CSMD2: variants seen among roughly 807,000 people sequenced by gnomAD.
CSMD2 encodes CUB and Sushi multiple domains 2.
In CSMD2, 130 loss-of-function variants were observed where a neutral mutation model predicts 398.5. The observed-to-expected ratio is 0.33, with a 90% confidence interval of 0.28 to 0.38. The LOEUF is 0.38. CSMD2 is among the 10% of genes least tolerant of loss of function. CSMD2 has a pLI of 1.00. For missense variants in CSMD2, 3,829 were observed against 4,764.9 expected (o/e 0.80, Z 5.78); for synonymous variants, 1,828 against 1,908.5 (o/e 0.96, Z 1.10).
chr1:34,143,881 T>G (rs1272720800), intron 1 of CSMD2, among the ~76,000 whole-genome samples: 1 of 152,058 alleles, frequency 6.6e-6, no homozygotes, highest in African/African-American at 2.4e-5. Context: ...TATCAAGGAG[T>G]TAACCAAGGA....
chr1:33,777,992 C>T (rs1652222803), intron 12 of CSMD2, among the ~76,000 whole-genome samples: 1 of 152,222 alleles, frequency 6.6e-6, no homozygotes, highest in African/African-American at 2.4e-5. Context: ...CTGCCTTTCA[C>T]ATGAGGCTGG....
At chr1:33,693,992 G>A (rs1311895674) in intron 24 of CSMD2, among the ~76,000 whole-genome samples, 1 of 152,142 alleles carries the variant, frequency 6.6e-6, no homozygotes, top group Non-Finnish European at 1.5e-5. Flanking sequence ...CCAGGAGGTG[G>A]AGGTTGTGGT....
chr1:33,904,275 C>T (rs1276173853), intron 5 of CSMD2, among the ~76,000 whole-genome samples: 1 of 152,142 alleles, frequency 6.6e-6, no homozygotes, highest in African/African-American at 2.4e-5. Flanking sequence ...GCAGCTTCCT[C>T]TTAGGAAAAC....
rs1236833448 is a variant in CSMD2 at position 33,742,581 on chromosome 1, C to CT, written c.2173+698_2173+699insA. 4.7e-4 allele frequency among the ~76,000 whole-genome samples: 52 copies of CT among 109,492 alleles called. 3 individuals are homozygous for CT. The highest frequency in any genetic ancestry group is 2.3e-3 in the African/African-American group (50 of 21,364). The allele number at this position is 109,492 out of a possible 152,430, so 71.8% of individuals were successfully genotyped here. The stretch of plus-strand genomic sequence containing the variant: ...ATTTCTAGTCACCAAGCTTCTGCCC[C>CT]CCCCCCCCCAACCCCCTCTGTAACC... On this transcript the variant is annotated intron_variant, in intron 14 of 70. Coordinates refer to ENST00000373381, the MANE Select transcript of CSMD2 (RefSeq NM_001281956.2).
At position 33,889,915 on chromosome 1, in the gene CSMD2, G is replaced by GTA. The variant is rs961866091; in HGVS notation, c.920+28177_920+28178dup. Among the ~76,000 whole-genome samples the GTA allele has an allele frequency of 2.8e-4, 42 of 151,844 alleles. No homozygotes were observed. The Middle Eastern group carries it at 0.01, about 37-fold the overall frequency. ...TTAACGTTTTATTCTGTACTCTCAG[G>GTA]TATGCTTTGAATTTTTCACAAAGAG... is the stretch of plus-strand genomic sequence containing the variant. On this transcript the variant is annotated intron_variant, in intron 5 of 70. Transcript: ENST00000373381.
In CSMD2 at chr1:33,741,567, T is replaced by C. The variant is rs534526806; in HGVS notation, c.2173+1713A>G. 2.6e-5 allele frequency among the ~76,000 whole-genome samples: 4 copies of C among 152,300 alleles called. No homozygotes were observed. The South Asian group carries it at 8.3e-4, about 32-fold the overall frequency. ...ATAGAAAACTATGTGATATCTGTAA[T>C]AGTGTCCACCAATTGTTGGCAAGAA... is the stretch of plus-strand genomic sequence containing the variant. On this transcript the variant is annotated intron_variant, in intron 14 of 70. Coordinates refer to ENST00000373381, the MANE Select transcript of CSMD2 (RefSeq NM_001281956.2).
At chr1:34,113,713 G>C (rs1433096281) in intron 1 of CSMD2, among the ~76,000 whole-genome samples, 1 of 151,988 alleles carries the variant, frequency 6.6e-6, no homozygotes, top group Non-Finnish European at 1.5e-5. Flanking sequence ...ACAATACACA[G>C]TCCAAAAAAG....
chr1:33,869,469 T>C (rs1276721530), intron 5 of CSMD2: 2 of 152,224 alleles, frequency 1.3e-5, no homozygotes, highest in Non-Finnish European at 2.9e-5. Context: ...GGAATACTTC[T>C]TCCTGGGCCT....
intron 2 of CSMD2, among the ~76,000 whole-genome samples, chr1:34,042,681 G>A (rs774271952): frequency 2.6e-5 from 4 of 152,166 alleles, no homozygotes; most frequent in Admixed American, 1.3e-4. Context: ...GAGATGGATG[G>A]CTCTCTGGGT....
intron 12 of CSMD2, among the ~76,000 whole-genome samples, chr1:33,785,721 C>T (rs532651017): frequency 9.2e-5 from 14 of 152,284 alleles, no homozygotes; most frequent in African/African-American, 3.1e-4. Flanking sequence ...TGGAGGGTAC[C>T]GCAGGTCTTT....
At chr1:34,130,995 G>T (rs527444693) in intron 1 of CSMD2, among the ~76,000 whole-genome samples, 1 of 152,238 alleles carries the variant, frequency 6.6e-6, no homozygotes, top group South Asian at 2.1e-4. Context: ...AGAGCATATA[G>T]TAGGTGTTCA....
At chr1:33,754,156 C>T (rs1648660697) in intron 13 of CSMD2, among the ~76,000 whole-genome samples, 1 of 152,176 alleles carries the variant, frequency 6.6e-6, no homozygotes, top group Non-Finnish European at 1.5e-5. Context: ...TATTTGTCTC[C>T]TCCGAATAGC....
intron 3 of CSMD2, among the ~76,000 whole-genome samples, chr1:33,946,686 T>C (rs573542208): frequency 5.3e-5 from 8 of 152,022 alleles, no homozygotes; most frequent in African/African-American, 1.9e-4. Context: ...TGGCATAATC[T>C]TGGCTCACTG....
At chr1:34,017,757 A>T (rs566147158) in intron 3 of CSMD2, among the ~76,000 whole-genome samples, 1 of 152,294 alleles carries the variant, frequency 6.6e-6, no homozygotes, top group African/African-American at 2.4e-5. Context: ...TCCGTAAAAC[A>T]AAACAAAACA....
chr1:33,537,171 G>T lies in CSMD2; in HGVS notation c.9806-76C>A. On this transcript the variant is annotated intron_variant, in intron 61 of 70. Transcript: ENST00000373381. The surrounding 1 kb of genome is among the most constrained non-coding windows in gnomAD (Gnocchi z 4.6). ...GGCCTCATCTCACTCTGGGAAATAG[G>T]TGTAGAAAAGAAAATGCGGCCACAT... 6.6e-7 allele frequency: 1 copy of T among 1,514,900 alleles called. No individual in the cohort carries two copies. Among genetic ancestry groups the T allele is most frequent in the Non-Finnish European group, 9.2e-7 (1 of 1,091,182 alleles). 93.8% of individuals were successfully genotyped at this position (1,514,900 alleles called of 1,614,324 possible).
At chr1:33,774,856 C>T (rs1379054722) in intron 12 of CSMD2, among the ~76,000 whole-genome samples, 3 of 152,152 alleles carry the variant, frequency 2.0e-5, no homozygotes, top group Non-Finnish European at 2.9e-5. Flanking sequence ...CTTCCTCCTA[C>T]CATCATGCAA....
intron 3 of CSMD2, among the ~76,000 whole-genome samples, chr1:33,936,444 C>T (rs189767157): frequency 2.1e-4 from 32 of 152,316 alleles, no homozygotes; most frequent in African/African-American, 6.7e-4. Context: ...GGCACTTTGG[C>T]CCCGCAGGTT....
chr1:33,590,981 CTTTTTTTTTTTTT>C (rs11374822), intron 44 of CSMD2, among the ~76,000 whole-genome samples: 34 of 67,174 alleles, frequency 5.1e-4, no homozygotes, highest in Admixed American at 8.3e-4. Context: ...TTTTATTTAT[CTTTTTTTTTTTTT>C]TTTTTTTTTT....
At chr1:34,085,786 A>C (rs986511072) in intron 2 of CSMD2, among the ~76,000 whole-genome samples, 7 of 152,170 alleles carry the variant, frequency 4.6e-5, no homozygotes, top group Admixed American at 3.9e-4. Context: ...AACAAAGTCC[A>C]TCTCTTGGTC....
Sources: allele counts gnomAD v4.1 joint callset (sites outside exome capture counted in the v4.1 genomes callset), GRCh38; gene constraint gnomAD v4.1.1; non-coding constraint Gnocchi (gnomAD v3.1); transcripts MANE v1.5; gene names NCBI Gene and HGNC (gene_info 2026-07-23, HGNC 2026-07-21).